Variants in KLKB1 observed in about 807,000 individuals in gnomAD.
KLKB1 encodes kallikrein B1, also known as plasma kallikrein.
KLKB1 carries 58 observed loss-of-function variants against 73.6 expected under a neutral mutation model. That is an observed-to-expected ratio of 0.79 (90% CI 0.64 to 0.98). KLKB1 has a LOEUF of 0.98. Ranked by LOEUF, KLKB1 falls within the 50% of genes least tolerant of loss-of-function variation. The pLI is 0.00. For synonymous variants in KLKB1, 280 were observed against 258.1 expected, an observed-to-expected ratio of 1.08 and a Z score of -0.81; for missense variants, 737 against 763.8, an observed-to-expected ratio of 0.96 and a Z score of 0.41.
chr4:186,215,622 G>A (rs957823192), intron 2 of KLKB1, among the ~76,000 whole-genome samples: 3 of 151,856 alleles, frequency 2.0e-5, no homozygotes, highest in African/African-American at 7.3e-5. Flanking sequence ...CACCTAGGCC[G>A]GAGTGCAGTG....
intron 4 of KLKB1, 48 bp downstream of exon 4, chr4:186,234,106 C>A: frequency 7.2e-7 from 1 of 1,380,868 alleles, no homozygotes; most frequent in Non-Finnish European, 1.0e-6. Flanking sequence ...TTGGATCTCG[C>A]TTAGAACAGC....
At chr4:186,213,160 A>T (rs1008997922) in intron 2 of KLKB1, 1 of 152,178 alleles carries the variant, frequency 6.6e-6, no homozygotes, top group African/African-American at 2.4e-5. Context: ...ATTGTTACTC[A>T]TATTTTAATC....
intron 2 of KLKB1, among the ~76,000 whole-genome samples, chr4:186,215,668 C>T (rs1307399482): frequency 5.9e-5 from 9 of 152,136 alleles, no homozygotes; most frequent in South Asian, 2.1e-4. Flanking sequence ...TCACCTACTG[C>T]GCTCAAGGGA....
intron 2 of KLKB1, among the ~76,000 whole-genome samples, chr4:186,216,965 A>G (rs1316495687): frequency 2.6e-5 from 4 of 152,234 alleles, no homozygotes; most frequent in Non-Finnish European, 5.9e-5. Context: ...TGCTTTTCTC[A>G]TGTAACATAA....
chr4:186,238,228 C>A, intron 5 of KLKB1, 28 bp from the exon 6 acceptor site: 1 of 1,481,282 alleles, frequency 6.8e-7, no homozygotes. Context: ...GTGCAGAAAG[C>A]AAAGTAACCT....
chr4:186,257,982 C>T (rs745622883), intron 14 of KLKB1, 39 bp from the exon 15 acceptor site: 55 of 1,582,582 alleles, frequency 3.5e-5, no homozygotes, highest in Middle Eastern at 1.7e-4. Context: ...ATCCCATTGT[C>T]GTAACTTTCT....
intron 7 of KLKB1, 70 bp from the exon 8 acceptor site, chr4:186,251,149 T>C: frequency 8.9e-6 from 9 of 1,015,218 alleles, no homozygotes; most frequent in Non-Finnish European, 1.4e-5. Context: ...TGTGAGCTGC[T>C]TTTGTATTTG....
At chr4:186,241,746 T>C (rs752574121) in intron 6 of KLKB1, among the ~76,000 whole-genome samples, 1 of 152,174 alleles carries the variant, frequency 6.6e-6, no homozygotes, top group Non-Finnish European at 1.5e-5. Context: ...ACGAAGCTGG[T>C]TGATAAAATT....
At chr4:186,233,046 C>G (rs1737481346) in intron 3 of KLKB1, among the ~76,000 whole-genome samples, 1 of 152,126 alleles carries the variant, frequency 6.6e-6, no homozygotes, top group Non-Finnish European at 1.5e-5. Flanking sequence ...TCCCAAGTAG[C>G]TGGGATTACA....
intron 6 of KLKB1, among the ~76,000 whole-genome samples, chr4:186,244,982 G>C (rs1194396322): frequency 1.3e-5 from 2 of 152,138 alleles, no homozygotes. Flanking sequence ...CACAAGGGGA[G>C]GATGTGAAGG....
chr4:186,239,041 T>C (rs2126643125), intron 6 of KLKB1, among the ~76,000 whole-genome samples: 1 of 134,026 alleles, frequency 7.5e-6, no homozygotes, highest in South Asian at 2.4e-4. Flanking sequence ...CTGTTAGAGT[T>C]ATAGGTACAG....
Position 186,257,633 on chromosome 4 carries a change from C to CTTT in KLKB1, c.1725+268_1725+269insTTT, listed in dbSNP as rs4253328. Among the ~76,000 whole-genome samples, 82,829 of 151,442 alleles carry CTTT rather than the reference C, an allele frequency of 0.55. 22,880 individuals are homozygous for CTTT. Among genetic ancestry groups the CTTT allele is most frequent in the East Asian group, 0.68 (3,505 of 5,148 alleles). Reference sequence around the variant, plus strand: ...GCTAGAATATAAAAACATTAGACTTCATCATTGGGATGATGATATCAAGAT... The same window carrying CTTT: ...GCTAGAATATAAAAACATTAGACTTCTTTATCATTGGGATGATGATATCAAGAT... On this transcript the variant is annotated intron_variant, in intron 14 of 14. Coordinates refer to ENST00000264690, the MANE Select transcript of KLKB1 (RefSeq NM_000892.5).
At chr4:186,246,789 C>T (rs1239410337) in intron 6 of KLKB1, among the ~76,000 whole-genome samples, 1 of 152,126 alleles carries the variant, frequency 6.6e-6, no homozygotes, top group Non-Finnish European at 1.5e-5. Context: ...TCAAGGCAGG[C>T]ATTCGCGCGG....
At chr4:186,219,996 G>C (rs979445415) in intron 2 of KLKB1, among the ~76,000 whole-genome samples, 1 of 152,062 alleles carries the variant, frequency 6.6e-6, no homozygotes, top group Non-Finnish European at 1.5e-5. Flanking sequence ...AGAGGTAAAA[G>C]GATCTCAAAG....
chr4:186,252,750 C>T (rs1738775887), intron 11 of KLKB1, among the ~76,000 whole-genome samples: 1 of 152,016 alleles, frequency 6.6e-6, no homozygotes, highest in Non-Finnish European at 1.5e-5. Context: ...ATCCCACCAC[C>T]AATCCCACCA....
At chr4:186,237,802 C>G (rs1344855341) in intron 5 of KLKB1, among the ~76,000 whole-genome samples, 1 of 152,084 alleles carries the variant, frequency 6.6e-6, no homozygotes, top group East Asian at 1.9e-4. Context: ...AGCTATTTTT[C>G]AACGCCCGCC....
intron 4 of KLKB1, 132 bp from the exon 5 acceptor site, chr4:186,236,649 C>T (rs1737703680): frequency 1.3e-6 from 1 of 753,164 alleles, no homozygotes; most frequent in African/African-American, 1.8e-5. Context: ...TTTTAAATCC[C>T]TTAGTTAATA....
chr4:186,254,445 T>A (rs1256732233), intron 11 of KLKB1, 143 bp from the exon 12 acceptor site: 2 of 739,058 alleles, frequency 2.7e-6, no homozygotes, highest in Non-Finnish European at 2.4e-6. Flanking sequence ...TGATGAAAAA[T>A]TACCAGAAGG....
chr4:186,250,259 C>T lies in KLKB1; in HGVS notation c.615C>T (p.Ile205=). 6.2e-7 allele frequency: 1 copy of T among 1,614,160 alleles called. No individual in the cohort carries two copies. The highest frequency in any genetic ancestry group is 1.1e-5 in the South Asian group (1 of 91,088). The part of the protein sequence containing the change: ...ALSEIGCHMN[I]FQHLAFSDVD... ...AGTTCACAGGTTGCCACATGAACATCTTCCAGCATCTTGCGTTCTCAGATG... is the reference window on the plus strand; with the variant it reads ...AGTTCACAGGTTGCCACATGAACATTTTCCAGCATCTTGCGTTCTCAGATG... The change falls in exon 7 of 15, where the codon ATC becomes ATT. Residue 205 remains isoleucine, a synonymous_variant. Coordinates refer to ENST00000264690, the MANE Select transcript of KLKB1 (RefSeq NM_000892.5).
Sources: gnomAD v4.1 joint callset for allele counts (sites outside exome capture counted in the v4.1 genomes callset) on GRCh38, gnomAD v4.1.1 for gene constraint, MANE v1.5 for transcripts, NCBI Gene and HGNC (gene_info 2026-07-23, HGNC 2026-07-21) for gene names.